KIAA0319L: variants seen among roughly 807,000 people sequenced by gnomAD.
KIAA0319L encodes the protein KIAA0319 like.
Under a neutral mutation model 120.1 loss-of-function variants are expected in KIAA0319L, and 55 were observed. The observed-to-expected ratio is 0.46, with a 90% CI of 0.37 to 0.57. The LOEUF (loss-of-function observed/expected upper bound fraction) is 0.57, where lower values mean the gene tolerates loss of function less well. Among genes scored for constraint, KIAA0319L ranks in the 20% least tolerant of loss-of-function variants. The probability of loss-of-function intolerance (pLI) is 0.00; values close to 1 mark genes in which losing one functional copy is unlikely to be tolerated. For missense variants in KIAA0319L, 1,049 were observed against 1,255.3 expected, an observed-to-expected ratio of 0.84 and a Z score of 2.48; for synonymous variants, 398 against 471.9, an observed-to-expected ratio of 0.84 and a Z score of 2.03.
intron 2 of KIAA0319L, among the ~76,000 whole-genome samples, chr1:35,552,580 T>A (rs1378334537): frequency 6.6e-6 from 1 of 152,098 alleles, no homozygotes. Flanking sequence ...TTAAATGAGA[T>A]AAGGTATGTA....
intron 2 of KIAA0319L, among the ~76,000 whole-genome samples, chr1:35,545,703 T>C (rs991769026): frequency 6.6e-5 from 10 of 152,138 alleles, no homozygotes; most frequent in African/African-American, 2.4e-4. Context: ...GAGACCAGCC[T>C]GGCCAACATG....
At chr1:35,502,070 A>G (rs1570851695) in intron 3 of KIAA0319L, among the ~76,000 whole-genome samples, 3 of 152,120 alleles carry the variant, frequency 2.0e-5, no homozygotes, top group African/African-American at 7.2e-5. Context: ...CGAGGTCAGG[A>G]GATCGAGACC....
intron 3 of KIAA0319L, among the ~76,000 whole-genome samples, chr1:35,480,374 C>T (rs772318470): frequency 1.3e-5 from 2 of 152,112 alleles, no homozygotes; most frequent in African/African-American, 2.4e-5. Context: ...CATTTCTTAG[C>T]GTATGGGTTT....
chr1:35,525,678 G>A (rs564985689), intron 2 of KIAA0319L, among the ~76,000 whole-genome samples: 1 of 152,098 alleles, frequency 6.6e-6, no homozygotes, highest in South Asian at 2.1e-4. Context: ...ACTTTTTAAT[G>A]GGGCTATGTA....
At chr1:35,471,699 G>A (rs1643633488) in intron 5 of KIAA0319L, among the ~76,000 whole-genome samples, 1 of 152,072 alleles carries the variant, frequency 6.6e-6, no homozygotes, top group South Asian at 2.1e-4. Context: ...GAGGACTTTG[G>A]TAGGAAGGTT....
At chr1:35,454,527 A>C (rs758989441) in intron 10 of KIAA0319L, 42 bp from the exon 11 acceptor site, 1 of 1,607,812 alleles carries the variant, frequency 6.2e-7, no homozygotes, top group Non-Finnish European at 8.5e-7. Context: ...GACTCCAGGA[A>C]TCACATCACA....
Position 35,513,288 on chromosome 1 carries a change from A to ATATATATATTT in KIAA0319L, c.143-6154_143-6153insAAATATATATA, listed in dbSNP as rs1414704674. ...ATAACATATATATATATATATATATATTTTTTTTTTTTTTTTTTTCTGTCC... is the reference window on the plus strand; with the variant it reads ...ATAACATATATATATATATATATATATATATATATTTTTTTTTTTTTTTTTTTTTTCTGTCC... On this transcript the variant is annotated intron_variant, in intron 2 of 20. Transcript: ENST00000325722. Among the ~76,000 whole-genome samples the ATATATATATTT allele has an allele frequency of 2.6e-4, 22 of 85,300 alleles. 1 individual carries two copies. The East Asian group carries it at 5.5e-3, about 22-fold the overall frequency. 56.0% of individuals were successfully genotyped at this position (85,300 alleles called of 152,430 possible). A position where few individuals can be genotyped will look rare whatever the true frequency, so the allele number is the denominator to read the frequency against.
chr1:35,475,349 A>C (rs1190472437), intron 4 of KIAA0319L, among the ~76,000 whole-genome samples: 1 of 152,222 alleles, frequency 6.6e-6, no homozygotes, highest in Non-Finnish European at 1.5e-5. Context: ...TTATGCTAAC[A>C]AATAACTTTC....
intron 1 of KIAA0319L, 166 bp from the exon 2 acceptor site, chr1:35,554,685 C>A: frequency 4.5e-6 from 2 of 444,548 alleles, no homozygotes; most frequent in Non-Finnish European, 7.9e-6. Context: ...TTTGAGGTAG[C>A]CTATAATTAT....
At chr1:35,483,338 T>C (rs931882475) in intron 3 of KIAA0319L, among the ~76,000 whole-genome samples, 2 of 152,248 alleles carry the variant, frequency 1.3e-5, no homozygotes, top group Non-Finnish European at 2.9e-5. Flanking sequence ...ACAAAAATGT[T>C]CTCCTGGGTT....
At chr1:35,471,063 C>T in intron 5 of KIAA0319L, 103 bp from the exon 6 acceptor site, 1 of 756,566 alleles carries the variant, frequency 1.3e-6, no homozygotes, top group Non-Finnish European at 2.4e-6. Context: ...CTTGACAAGG[C>T]TTTAGTTTTT....
At chr1:35,488,360 T>C (rs1477618843) in intron 3 of KIAA0319L, among the ~76,000 whole-genome samples, 1 of 152,148 alleles carries the variant, frequency 6.6e-6, no homozygotes, top group East Asian at 1.9e-4. Context: ...CTGTAATAGA[T>C]CTGGGGTTTG....
chr1:35,537,859 C>T (rs573574293), intron 2 of KIAA0319L, among the ~76,000 whole-genome samples: 2 of 152,254 alleles, frequency 1.3e-5, no homozygotes, highest in South Asian at 2.1e-4. Context: ...TGTATCTGTA[C>T]AGAAATAATT....
intron 9 of KIAA0319L, among the ~76,000 whole-genome samples, chr1:35,459,292 C>T (rs1187659486): frequency 6.6e-6 from 1 of 152,072 alleles, no homozygotes; most frequent in Non-Finnish European, 1.5e-5. Context: ...GTGGAATGAA[C>T]CCTGACTTCA....
In KIAA0319L at chr1:35,448,175, C is replaced by T. The variant is rs1361040; in HGVS notation, c.2511G>A (p.Gln837=). The T allele has an allele frequency of 6.2e-7, 1 of 1,609,420 alleles. No homozygotes were observed. The highest frequency in any genetic ancestry group is 1.7e-5 in the Admixed American group (1 of 59,372). ...IVQKIQPYTE[Q]STKMVFFVQN... is the part of the protein sequence containing the mutation. Reference sequence around the variant, plus strand: ...CCCCCCATTCATTGCCCAGCTACCTCTGCTCCGTGTACGGCTGAATCTTTT... The same window carrying T: ...CCCCCCATTCATTGCCCAGCTACCTTTGCTCCGTGTACGGCTGAATCTTTT... The change falls in exon 16 of 21, where the codon CAG becomes CAA. Residue 837 remains glutamine, a splice_region_variant and synonymous_variant. Transcript: ENST00000325722.
chr1:35,536,774 G>A (rs1396988283), intron 2 of KIAA0319L, among the ~76,000 whole-genome samples: 1 of 151,972 alleles, frequency 6.6e-6, no homozygotes, highest in Non-Finnish European at 1.5e-5. Flanking sequence ...GCTGAAAATA[G>A]CTCTCCTACC....
At chr1:35,512,668 A>G (rs548116329) in intron 2 of KIAA0319L, among the ~76,000 whole-genome samples, 1 of 152,054 alleles carries the variant, frequency 6.6e-6, no homozygotes, top group Non-Finnish European at 1.5e-5. Context: ...CAGGAGTTCA[A>G]GACCAGCCTG....
intron 1 of KIAA0319L, among the ~76,000 whole-genome samples, chr1:35,555,189 A>T (rs1340445056): frequency 1.3e-5 from 2 of 152,122 alleles, no homozygotes; most frequent in Non-Finnish European, 2.9e-5. Context: ...AAACTCATTT[A>T]CCATAAATTT....
At chr1:35,477,744 G>A (rs997686363) in intron 4 of KIAA0319L, among the ~76,000 whole-genome samples, 1 of 151,642 alleles carries the variant, frequency 6.6e-6, no homozygotes, top group African/African-American at 2.4e-5. Context: ...CAAAAGACAG[G>A]CAATAACAAA....
Sources: allele counts gnomAD v4.1 joint callset (sites outside exome capture counted in the v4.1 genomes callset), GRCh38; gene constraint gnomAD v4.1.1; transcripts MANE v1.5; gene names NCBI Gene and HGNC (gene_info 2026-07-23, HGNC 2026-07-21).